Variants in VIPR2 observed in about 807,000 individuals in gnomAD.
The protein encoded by VIPR2 is vasoactive intestinal polypeptide receptor 2.
VIPR2 carries 48 observed loss-of-function variants against 58.0 expected under a neutral mutation model. The ratio of observed to expected loss-of-function variants is 0.83; its 90% CI spans 0.66 to 1.05. The LOEUF (loss-of-function observed/expected upper bound fraction) is 1.05, where lower values mean the gene tolerates loss of function less well. VIPR2 is among the 50% of genes least tolerant of loss of function. The pLI is 0.00. For missense variants in VIPR2, 534 were observed against 558.0 expected (o/e 0.96, Z 0.43); for synonymous variants, 243 against 235.2 (o/e 1.03, Z -0.30).
At chr7:159,036,622 G>C in intron 7 of VIPR2, 130 bp downstream of exon 7, 1 of 1,188,484 alleles carries the variant, frequency 8.4e-7, no homozygotes, top group Non-Finnish European at 1.2e-6. Flanking sequence ...TCCTGGAAGA[G>C]CTCTTCATGA....
At chr7:159,140,420 A>AATATG (rs1254070995) in intron 2 of VIPR2, among the ~76,000 whole-genome samples, 4 of 152,162 alleles carry the variant, frequency 2.6e-5, no homozygotes, top group Non-Finnish European at 5.9e-5. Flanking sequence ...CTGGCATTTG[A>AATATG]GCCACGCATA....
At chr7:159,132,578 C>G (rs1437253063) in intron 2 of VIPR2, among the ~76,000 whole-genome samples, 3 of 152,230 alleles carry the variant, frequency 2.0e-5, no homozygotes, top group Non-Finnish European at 4.4e-5. Flanking sequence ...TGTTCAGAAA[C>G]TACAGACCCA....
chr7:159,083,305 T>C (rs1364127720), intron 4 of VIPR2, among the ~76,000 whole-genome samples: 2 of 152,232 alleles, frequency 1.3e-5, no homozygotes, highest in African/African-American at 4.8e-5. Context: ...CGGAACCTTA[T>C]GGCCATGATG....
At position 159,050,355 on chromosome 7, in the gene VIPR2, A is replaced by C. The variant is rs202052097; in HGVS notation, c.456-7179T>G. ...CCATCTCAAAAAAACACAAAAAAAC[A>C]AAAAAAAAAACAAAAAAAAACAAAA... is the stretch of plus-strand genomic sequence containing the variant. On this transcript the variant is annotated intron_variant, in intron 5 of 12. Coordinates refer to ENST00000262178, the MANE Select transcript of VIPR2 (RefSeq NM_003382.5). 0.018 allele frequency among the ~76,000 whole-genome samples: 158 copies of C among 8,546 alleles called. 5 individuals carry two copies. The East Asian group carries it at 0.51, about 27-fold the overall frequency. 5.6% of individuals were successfully genotyped at this position (8,546 alleles called of 152,430 possible). A position where few individuals can be genotyped will look rare whatever the true frequency, so the allele number is the denominator to read the frequency against.
intron 5 of VIPR2, among the ~76,000 whole-genome samples, chr7:159,053,472 G>A (rs773730345): frequency 2.6e-5 from 4 of 152,148 alleles, no homozygotes; most frequent in Non-Finnish European, 4.4e-5. Flanking sequence ...TAATTAGAAC[G>A]ATGTCCTGTC....
chr7:159,031,425 C>CT lies in VIPR2; in HGVS notation c.1143+402dup, dbSNP rs1356895701. 1 of 984,808 alleles carries CT rather than the reference C, an allele frequency of 1.0e-6. No homozygotes were observed. Among genetic ancestry groups the CT allele is most frequent in the Non-Finnish European group, 1.2e-6 (1 of 829,460 alleles). 61.0% of individuals were successfully genotyped at this position (984,808 alleles called of 1,614,324 possible). A position where few individuals can be genotyped will look rare whatever the true frequency, so the allele number is the denominator to read the frequency against. On this transcript the variant is annotated intron_variant, in intron 12 of 12. Coordinates refer to ENST00000262178, the MANE Select transcript of VIPR2 (RefSeq NM_003382.5). The surrounding 1 kb of genome is among the most constrained non-coding windows in gnomAD (Gnocchi z 4.0). Reference sequence around the variant, plus strand: ...AGGGCAGAGCTCGGCTCCGGGCTTCCTCCCCAGGGACTCACAGGACGCTGT... The same window carrying CT: ...AGGGCAGAGCTCGGCTCCGGGCTTCCTTCCCCAGGGACTCACAGGACGCTGT...
Position 159,030,573 on chromosome 7 carries a change from C to G in VIPR2, c.*43G>C. ...CGGCGTCTCAGCCCCGCAGAAGCCC[C>G]GAACCGTGGGCCTCCCGCCGCGTCC... On this transcript the variant is annotated 3_prime_UTR_variant, in exon 13 of 13. Coordinates refer to ENST00000262178, the MANE Select transcript of VIPR2 (RefSeq NM_003382.5). 6.7e-7 allele frequency: 1 copy of G among 1,494,154 alleles called. No individual in the cohort carries two copies. 92.6% of individuals were successfully genotyped at this position (1,494,154 alleles called of 1,614,324 possible).
At chr7:159,084,196 A>G (rs1405428099) in intron 4 of VIPR2, among the ~76,000 whole-genome samples, 3 of 152,264 alleles carry the variant, frequency 2.0e-5, no homozygotes, top group African/African-American at 7.2e-5. Context: ...AACGCGCACC[A>G]GGCCAGAGGG....
intron 4 of VIPR2, among the ~76,000 whole-genome samples, chr7:159,067,990 G>A (rs1856183437): frequency 6.6e-6 from 1 of 152,228 alleles, no homozygotes; most frequent in Non-Finnish European, 1.5e-5. Flanking sequence ...TCCTTCTTGA[G>A]CAATCCAGGC....
intron 4 of VIPR2, among the ~76,000 whole-genome samples, chr7:159,072,823 TGAG>T (rs1218269251): frequency 6.6e-6 from 1 of 152,190 alleles, no homozygotes; most frequent in Non-Finnish European, 1.5e-5. Flanking sequence ...AGAAAAATAA[TGAG>T]GAACATTATT....
At chr7:159,063,860 T>TCTGGGGGGCCTGGTGGGG (rs1855900634) in intron 4 of VIPR2, among the ~76,000 whole-genome samples, 1 of 17,254 alleles carries the variant, frequency 5.8e-5, no homozygotes, top group African/African-American at 2.4e-4. Flanking sequence ...GCCTGGTGGG[T>TCTGGGGGGCCTGGTGGGG]TCCGGGGGTC....
chr7:159,102,224 C>T (rs1346971923), intron 4 of VIPR2, among the ~76,000 whole-genome samples: 3 of 150,702 alleles, frequency 2.0e-5, no homozygotes, highest in Admixed American at 1.3e-4. Flanking sequence ...TCAGAAGATC[C>T]GATGAGGCGG....
rs193243729 is a variant in VIPR2, at chr7:159,095,189, C to T, written c.357+8568G>A. Among the ~76,000 whole-genome samples, 50 of 152,200 alleles carry T rather than the reference C, an allele frequency of 3.3e-4. No homozygotes were observed. The highest frequency in any genetic ancestry group is 1.0e-3 in the African/African-American group (42 of 41,444). On this transcript the variant is annotated intron_variant, in intron 4 of 12. Transcript: ENST00000262178. The surrounding 1 kb of genome is among the most constrained non-coding windows in gnomAD (Gnocchi z 5.2). ...GTCTATGAAATCGGAGCCGAGACAG[C>T]AAATCATATGACAGCATTAGTGAAA...
intron 4 of VIPR2, among the ~76,000 whole-genome samples, chr7:159,087,106 T>A (rs1235941827): frequency 6.6e-6 from 1 of 151,918 alleles, no homozygotes; most frequent in African/African-American, 2.4e-5. Flanking sequence ...GATAGTGAGA[T>A]ACGGCTTCCC....
At chr7:159,109,427 C>T (rs1455639804) in intron 3 of VIPR2, among the ~76,000 whole-genome samples, 1 of 152,218 alleles carries the variant, frequency 6.6e-6, no homozygotes, top group Non-Finnish European at 1.5e-5. Flanking sequence ...GGGTGCCACA[C>T]TTCCCACTTC....
intron 5 of VIPR2, among the ~76,000 whole-genome samples, chr7:159,058,053 A>G (rs1233413163): frequency 6.6e-6 from 1 of 152,202 alleles, no homozygotes; most frequent in Non-Finnish European, 1.5e-5. Context: ...GTCCAAGGTC[A>G]CACAGCTGCT....
intron 6 of VIPR2, among the ~76,000 whole-genome samples, chr7:159,037,284 CG>C (rs1240940135): frequency 6.6e-6 from 1 of 152,244 alleles, no homozygotes; most frequent in Non-Finnish European, 1.5e-5. Flanking sequence ...CGGGAACCCC[CG>C]CAGTGGTCCT....
intron 10 of VIPR2, among the ~76,000 whole-genome samples, chr7:159,033,278 T>C (rs972153812): frequency 6.6e-6 from 1 of 152,076 alleles, no homozygotes; most frequent in Admixed American, 6.6e-5. Flanking sequence ...CCCAAATCCA[T>C]CCCTGTTTTC....
intron 4 of VIPR2, among the ~76,000 whole-genome samples, chr7:159,067,010 G>A (rs187703717): frequency 1.4e-4 from 22 of 152,302 alleles, no homozygotes; most frequent in African/African-American, 4.6e-4. Flanking sequence ...TGCCATGTGC[G>A]GATACTGAGA....
Sources: allele counts gnomAD v4.1 joint callset (sites outside exome capture counted in the v4.1 genomes callset), GRCh38; gene constraint gnomAD v4.1.1; non-coding constraint Gnocchi (gnomAD v3.1); transcripts MANE v1.5; gene names NCBI Gene and HGNC (gene_info 2026-07-23, HGNC 2026-07-21).